DACH1: variants seen among roughly 807,000 people sequenced by gnomAD.
DACH1 encodes dachshund homolog 1.
A neutral mutation model predicts 54.2 loss-of-function variants in DACH1; 12 were observed. That is an observed-to-expected ratio of 0.22 (90% CI 0.14 to 0.36). The LOEUF (loss-of-function observed/expected upper bound fraction) is 0.36, where lower values mean the gene tolerates loss of function less well. Among genes scored for constraint, DACH1 ranks in the 10% least tolerant of loss-of-function variants. The pLI is 1.00. For synonymous variants in DACH1, 386 were observed against 366.2 expected (o/e 1.05, Z -0.62); for missense variants, 805 against 929.8 (o/e 0.87, Z 1.75).
At chr13:71,565,519 C>A (rs1884846873) in intron 4 of DACH1, among the ~76,000 whole-genome samples, 1 of 151,972 alleles carries the variant, frequency 6.6e-6, no homozygotes. Flanking sequence ...GCAAAGAAGA[C>A]AAATAGCAGA....
intron 1 of DACH1, among the ~76,000 whole-genome samples, chr13:71,722,055 A>G (rs1375706326): frequency 6.6e-6 from 1 of 152,192 alleles, no homozygotes; most frequent in Non-Finnish European, 1.5e-5. Context: ...TGAATAATTT[A>G]TATATTAGAA....
chr13:71,824,473 A>C (rs1486268264), intron 1 of DACH1, among the ~76,000 whole-genome samples: 1 of 152,048 alleles, frequency 6.6e-6, no homozygotes, highest in African/African-American at 2.4e-5. Context: ...CATTCTTGCC[A>C]GAGTAATATG....
chr13:71,627,998 A>G (rs112377979), intron 3 of DACH1, among the ~76,000 whole-genome samples: 8 of 152,102 alleles, frequency 5.3e-5, no homozygotes, highest in Non-Finnish European at 1.2e-4. Context: ...CAACTTGATA[A>G]GCAGACATTG....
chr13:71,480,507 A>G (rs1279932323), intron 7 of DACH1, among the ~76,000 whole-genome samples: 1 of 152,212 alleles, frequency 6.6e-6, no homozygotes, highest in African/African-American at 2.4e-5. Context: ...TTTCTCTCCT[A>G]AGATACTTTG....
At chr13:71,620,084 G>A (rs1456785536) in intron 3 of DACH1, among the ~76,000 whole-genome samples, 1 of 151,818 alleles carries the variant, frequency 6.6e-6, no homozygotes, top group Non-Finnish European at 1.5e-5. Flanking sequence ...TTGATAAGAT[G>A]TTTAACTTTA....
chr13:71,823,603 A>G (rs1374333823), intron 1 of DACH1, among the ~76,000 whole-genome samples: 1 of 152,070 alleles, frequency 6.6e-6, no homozygotes, highest in Non-Finnish European at 1.5e-5. Context: ...CATATATCAC[A>G]GATAGCCAAA....
chr13:71,555,717 T>C (rs1428199261), intron 6 of DACH1, among the ~76,000 whole-genome samples: 1 of 152,122 alleles, frequency 6.6e-6, no homozygotes, highest in Non-Finnish European at 1.5e-5. Flanking sequence ...AAAATAAATA[T>C]GATGGATAAT....
At chr13:71,461,555 T>A (rs1876077714) in intron 10 of DACH1, among the ~76,000 whole-genome samples, 1 of 152,006 alleles carries the variant, frequency 6.6e-6, no homozygotes, top group Non-Finnish European at 1.5e-5. Flanking sequence ...CTTTAGAGAA[T>A]AAATATGGTA....
chr13:71,532,242 T>A (rs551377549), intron 6 of DACH1, among the ~76,000 whole-genome samples: 30 of 152,086 alleles, frequency 2.0e-4, no homozygotes, highest in Middle Eastern at 3.4e-3. Context: ...TATTAGACTA[T>A]ATTGTTAAAA....
chr13:71,481,310 A>G (rs1878009875), intron 7 of DACH1, among the ~76,000 whole-genome samples: 1 of 152,366 alleles, frequency 6.6e-6, no homozygotes, highest in East Asian at 1.9e-4. Flanking sequence ...CTATTAAACT[A>G]TTATTGTCCT....
chr13:71,716,151 T>G (rs1207908852), intron 1 of DACH1, among the ~76,000 whole-genome samples: 2 of 151,980 alleles, frequency 1.3e-5, no homozygotes, highest in African/African-American at 2.4e-5. Flanking sequence ...TCAATGTACT[T>G]TCTACTTCTT....
At chr13:71,555,727 T>C (rs1349860123) in intron 6 of DACH1, among the ~76,000 whole-genome samples, 1 of 152,124 alleles carries the variant, frequency 6.6e-6, no homozygotes, top group Non-Finnish European at 1.5e-5. Flanking sequence ...TGATGGATAA[T>C]ATACATGACA....
chr13:71,756,882 G>A (rs1192883316), intron 1 of DACH1, among the ~76,000 whole-genome samples: 1 of 152,068 alleles, frequency 6.6e-6, no homozygotes, highest in Non-Finnish European at 1.5e-5. Flanking sequence ...GTCAAATTGG[G>A]ATATATGCTT....
At chr13:71,724,919 A>G (rs1047031943) in intron 1 of DACH1, among the ~76,000 whole-genome samples, 2 of 152,132 alleles carry the variant, frequency 1.3e-5, no homozygotes, top group East Asian at 1.9e-4. Flanking sequence ...ATGAATGTCA[A>G]TCACAACTAA....
intron 9 of DACH1, among the ~76,000 whole-genome samples, 153 bp downstream of exon 9, chr13:71,475,553 C>T (rs1877439679): frequency 6.6e-6 from 1 of 152,136 alleles, no homozygotes; most frequent in African/African-American, 2.4e-5. Context: ...AAGGCATTTT[C>T]CCCAACACGT....
rs1343268544 is a variant in DACH1, at chr13:71,748,840, TTTTCTCTTTCTTTC to T, written c.849-66944_849-66931del. The stretch of plus-strand genomic sequence containing the variant: ...TGTTACCTGAAATATAAAAAATATT[TTTTCTCTTTCTTTC>T]TTTCTTTCTTTCTTTCTTTCTTTCT... On this transcript the variant is annotated intron_variant, in intron 1 of 10. Coordinates refer to ENST00000613252, the MANE Select transcript of DACH1 (RefSeq NM_080759.6). Among the ~76,000 whole-genome samples the T allele has an allele frequency of 2.7e-5, 4 of 146,134 alleles. No homozygotes were observed. In the Admixed American group the frequency reaches 2.8e-4, roughly 10 times the overall value.
rs964759554 is a variant in DACH1 at position 71,440,392 on chromosome 13, A to C, written c.*263T>G. On this transcript the variant is annotated 3_prime_UTR_variant, in exon 11 of 11. Transcript: ENST00000613252. ...TTAACTCTGTATACAATTGTCCAGC[A>C]GCAAGTTGCAGTAATTAACTGTAAG... 1.8e-5 allele frequency: 7 copies of C among 387,558 alleles called. No individual in the cohort carries two copies. Among genetic ancestry groups the C allele is most frequent in the Non-Finnish European group, 2.8e-5 (6 of 216,966 alleles). The allele number at this position is 387,558 out of a possible 1,614,324, so 24.0% of individuals were successfully genotyped here. A position where few individuals can be genotyped will look rare whatever the true frequency, so the allele number is the denominator to read the frequency against.
At chr13:71,525,560 T>C (rs1881898512) in intron 6 of DACH1, among the ~76,000 whole-genome samples, 1 of 152,114 alleles carries the variant, frequency 6.6e-6, no homozygotes, top group Non-Finnish European at 1.5e-5. Flanking sequence ...ATTCCCATAA[T>C]CTTGGGAAAG....
At chr13:71,710,083 T>A (rs1348745868) in intron 1 of DACH1, among the ~76,000 whole-genome samples, 1 of 152,128 alleles carries the variant, frequency 6.6e-6, no homozygotes, top group Non-Finnish European at 1.5e-5. Flanking sequence ...TTTTTTGTAA[T>A]TTTATGAATA....
Sources: gnomAD v4.1 joint callset for allele counts (sites outside exome capture counted in the v4.1 genomes callset) on GRCh38, gnomAD v4.1.1 for gene constraint, MANE v1.5 for transcripts, NCBI Gene and HGNC (gene_info 2026-07-23, HGNC 2026-07-21) for gene names.